Variants in MIGA1 observed in about 807,000 individuals in gnomAD.
The protein encoded by MIGA1 is mitoguardin 1.
MIGA1 carries 58 observed loss-of-function variants against 82.0 expected under a neutral mutation model. The ratio of observed to expected loss-of-function variants is 0.71; its 90% confidence interval spans 0.57 to 0.88. MIGA1 has a LOEUF of 0.88. Ranked by LOEUF, MIGA1 falls within the 40% of genes least tolerant of loss-of-function variation. The probability of loss-of-function intolerance (pLI) is 0.00; values close to 1 mark genes in which losing one functional copy is unlikely to be tolerated. For synonymous variants in MIGA1, 249 were observed against 253.6 expected, an observed-to-expected ratio of 0.98 and a Z score of 0.17; for missense variants, 751 against 749.1, an observed-to-expected ratio of 1.00 and a Z score of -0.03.
chr1:77,781,106 G>A (rs542831926), intron 1 of MIGA1, among the ~76,000 whole-genome samples: 7 of 151,714 alleles, frequency 4.6e-5, no homozygotes, highest in East Asian at 3.9e-4. Context: ...ATGGGGTTTC[G>A]CTATATTGGC....
At chr1:77,804,050 T>C (rs1682993235) in intron 4 of MIGA1, among the ~76,000 whole-genome samples, 1 of 152,196 alleles carries the variant, frequency 6.6e-6, no homozygotes, top group South Asian at 2.1e-4. Context: ...ACACCTACTA[T>C]ATATCCACAA....
rs1332559223 is a variant in MIGA1 at position 77,813,026 on chromosome 1, GC to G, written c.638-707del. Among the ~76,000 whole-genome samples, 5 of 152,138 alleles carry G rather than the reference GC, an allele frequency of 3.3e-5. No homozygotes were observed. In the East Asian group the frequency reaches 9.6e-4, roughly 29 times the overall value. ...GACAGAGTCTTGCTCTGTCACCTAG[GC>G]TGGAGTACAGTGGTGCAATCTCGGC... On this transcript the variant is annotated intron_variant, in intron 5 of 15. Transcript: ENST00000370791.
intron 5 of MIGA1, 94 bp downstream of exon 5, chr1:77,807,195 T>C (rs1449907024): frequency 1.0e-6 from 1 of 985,988 alleles, no homozygotes; most frequent in Non-Finnish European, 1.5e-6. Context: ...AGGGTCTCAC[T>C]CTGTCACCCA....
At chr1:77,792,580 T>G (rs1682472174) in intron 2 of MIGA1, among the ~76,000 whole-genome samples, 1 of 152,198 alleles carries the variant, frequency 6.6e-6, no homozygotes, top group African/African-American at 2.4e-5. Context: ...AAAAAAAGTT[T>G]TAAAATGCAT....
intron 7 of MIGA1, among the ~76,000 whole-genome samples, chr1:77,832,988 A>G (rs1279670679): frequency 6.6e-6 from 1 of 152,230 alleles, no homozygotes; most frequent in East Asian, 1.9e-4. Flanking sequence ...AGAGCATAGG[A>G]AAAGCTGTCA....
At position 77,861,218 on chromosome 1, in the gene MIGA1, C is replaced by G. The variant is rs1216785875; in HGVS notation, c.1276-6C>G. On this transcript the variant is annotated splice_region_variant and splice_polypyrimidine_tract_variant and intron_variant, in intron 11 of 15. Transcript: ENST00000370791. Reference sequence around the variant, plus strand: ...GTTTAGGGTTAAAATGTGTTTTCTTCTTCAGAATCCAAAGAAGTTTGAAGA... The same window carrying G: ...GTTTAGGGTTAAAATGTGTTTTCTTGTTCAGAATCCAAAGAAGTTTGAAGA... The G allele has an allele frequency of 1.3e-6, 2 of 1,582,560 alleles. No individual in the cohort carries two copies. Among genetic ancestry groups the G allele is most frequent in the Non-Finnish European group, 8.7e-7 (1 of 1,154,486 alleles).
Position 77,839,212 on chromosome 1 carries a change from C to T in MIGA1, c.896-4095C>T, listed in dbSNP as rs184662638. Among the ~76,000 whole-genome samples, 36 of 151,700 alleles carry T rather than the reference C, an allele frequency of 2.4e-4. No individual in the cohort carries two copies. In the East Asian group the frequency reaches 6.2e-3, roughly 26 times the overall value. ...AGAGTTTCCACTGACCGTACATCCTCGACCAAAATAATAATAATAATAATA... is the reference window on the plus strand; with the variant it reads ...AGAGTTTCCACTGACCGTACATCCTTGACCAAAATAATAATAATAATAATA... On this transcript the variant is annotated intron_variant, in intron 7 of 15. Transcript: ENST00000370791.
chr1:77,803,291 G>C lies in MIGA1; in HGVS notation c.395G>C (p.Arg132Thr). The C allele has an allele frequency of 6.5e-7, 1 of 1,533,394 alleles. No homozygotes were observed. Among genetic ancestry groups the C allele is most frequent in the African/African-American group, 1.4e-5 (1 of 71,622 alleles). 95.0% of individuals were successfully genotyped at this position (1,533,394 alleles called of 1,614,324 possible). The change falls in exon 4 of 16, where the codon AGA (arginine) becomes ACA (threonine). Residue 132 changes from arginine (R) to threonine (T), a missense_variant. Transcript: ENST00000370791. ...ATAGGTTCAAGTTGTTCCAGTAGCA[G>C]ACAGAATTTGACATTATCTTTAAGT... is the stretch of plus-strand genomic sequence containing the variant.
intron 8 of MIGA1, among the ~76,000 whole-genome samples, chr1:77,850,001 C>CTCCA (rs1479283332): frequency 1.3e-5 from 2 of 150,174 alleles, no homozygotes; most frequent in Non-Finnish European, 2.9e-5. Flanking sequence ...TGCCACTGTA[C>CTCCA]TCCAGCCTGG....
chr1:77,822,903 C>G (rs1570961930), intron 7 of MIGA1, among the ~76,000 whole-genome samples: 1 of 145,004 alleles, frequency 6.9e-6, no homozygotes, highest in Non-Finnish European at 1.5e-5. Context: ...AGTACAGTGG[C>G]ACAGTCTTGG....
Position 77,815,109 on chromosome 1 carries a change from A to G in MIGA1, c.773A>G (p.Asp258Gly), listed in dbSNP as rs765416500. The change falls in exon 7 of 16, where the codon GAT (aspartate) becomes GGT (glycine). Residue 258 changes from aspartate to glycine, a missense_variant and splice_region_variant. By Grantham distance (94) the Asp-to-Gly change is moderately conservative. Coordinates refer to ENST00000370791, the MANE Select transcript of MIGA1 (RefSeq NM_198549.4). ...TGTGTACTTTTTCTCTCCTTGTAGG[A>G]TATTATTAGTACTGAATTTATCCAT... 4 of 1,558,814 alleles carry G rather than the reference A, an allele frequency of 2.6e-6. No individual in the cohort carries two copies. The highest frequency in any genetic ancestry group is 1.4e-5 in the African/African-American group (1 of 73,164).
intron 7 of MIGA1, among the ~76,000 whole-genome samples, chr1:77,820,597 T>A (rs901009549): frequency 6.6e-6 from 1 of 152,166 alleles, no homozygotes; most frequent in South Asian, 2.1e-4. Flanking sequence ...ACCTCTAGAA[T>A]CTTAGGCTGT....
intron 14 of MIGA1, among the ~76,000 whole-genome samples, chr1:77,867,540 C>G (rs981497002): frequency 1.3e-5 from 2 of 152,186 alleles, no homozygotes; most frequent in Non-Finnish European, 2.9e-5. Context: ...GTTGCCCAGG[C>G]TGGCCTCAAA....
chr1:77,784,780 A>G (rs1487870426), intron 2 of MIGA1, among the ~76,000 whole-genome samples: 2 of 152,198 alleles, frequency 1.3e-5, no homozygotes, highest in African/African-American at 4.8e-5. Context: ...TATTGGACTC[A>G]CAGTTCCACA....
At chr1:77,839,529 C>T (rs1010943697) in intron 7 of MIGA1, among the ~76,000 whole-genome samples, 7 of 151,830 alleles carry the variant, frequency 4.6e-5, no homozygotes, top group African/African-American at 1.5e-4. Context: ...CACCACCACG[C>T]CCTGCTAACT....
intron 8 of MIGA1, chr1:77,853,700 A>G: frequency 3.6e-6 from 1 of 276,322 alleles, no homozygotes; most frequent in Non-Finnish European, 7.0e-6. Context: ...ACCCAAAAAC[A>G]AACAAACAAC....
At chr1:77,859,675 C>G (rs963431205) in intron 10 of MIGA1, 2 of 391,358 alleles carry the variant, frequency 5.1e-6, no homozygotes, top group African/African-American at 4.1e-5. Flanking sequence ...AACACTCTTT[C>G]TTATTAATTA....
At chr1:77,821,337 C>T (rs1294648996) in intron 7 of MIGA1, among the ~76,000 whole-genome samples, 4 of 150,604 alleles carry the variant, frequency 2.7e-5, no homozygotes, top group Non-Finnish European at 5.9e-5. Context: ...ATTTATTATT[C>T]TTACTAAATT....
chr1:77,790,911 G>T (rs930393060), intron 2 of MIGA1, among the ~76,000 whole-genome samples: 1 of 151,982 alleles, frequency 6.6e-6, no homozygotes, highest in Admixed American at 6.6e-5. Flanking sequence ...CTAATCCCTG[G>T]TGAACCCTAA....
Sources: allele counts gnomAD v4.1 joint callset (sites outside exome capture counted in the v4.1 genomes callset), GRCh38; gene constraint gnomAD v4.1.1; transcripts MANE v1.5; gene names NCBI Gene and HGNC (gene_info 2026-07-23, HGNC 2026-07-21).